KLHL3: variants seen among roughly 807,000 people sequenced by gnomAD.
KLHL3 encodes the protein kelch-like protein 3.
Under a neutral mutation model 70.5 loss-of-function variants are expected in KLHL3, and 19 were observed. That is an observed-to-expected ratio of 0.27 (90% CI 0.19 to 0.40). KLHL3 has a LOEUF of 0.40. Among genes scored for constraint, KLHL3 ranks in the 10% least tolerant of loss-of-function variants. KLHL3 has a pLI of 1.00. For synonymous variants in KLHL3, 258 were observed against 290.3 expected (o/e 0.89, Z 1.13); for missense variants, 512 against 771.1 (o/e 0.66, Z 3.98).
chr5:137,692,488 G>A (rs1752348105), intron 4 of KLHL3, 41 bp from the exon 5 acceptor site: 1 of 1,599,464 alleles, frequency 6.3e-7, no homozygotes, highest in African/African-American at 1.3e-5. Flanking sequence ...GGATCCCACT[G>A]GCAGAGACTC....
intron 3 of KLHL3, among the ~76,000 whole-genome samples, chr5:137,699,361 G>T (rs1461440470): frequency 1.3e-5 from 2 of 152,146 alleles, no homozygotes; most frequent in African/African-American, 4.8e-5. Context: ...AGCTGGAGAG[G>T]TAGATGGGGC....
chr5:137,677,880 A>G (rs1224803913), intron 5 of KLHL3, among the ~76,000 whole-genome samples: 1 of 152,178 alleles, frequency 6.6e-6, no homozygotes, highest in African/African-American at 2.4e-5. Context: ...CTGAACATCA[A>G]CACAGATGAA....
intron 1 of KLHL3, among the ~76,000 whole-genome samples, chr5:137,721,769 A>G (rs1047138230): frequency 1.3e-5 from 2 of 152,228 alleles, no homozygotes; most frequent in African/African-American, 4.8e-5. Flanking sequence ...TGGGCAACAG[A>G]GCAAAACTCT....
intron 8 of KLHL3, among the ~76,000 whole-genome samples, chr5:137,649,924 G>A (rs937612608): frequency 3.3e-5 from 5 of 152,062 alleles, no homozygotes; most frequent in African/African-American, 1.2e-4. Context: ...TAAAACCCTG[G>A]GCAAATCACT....
chr5:137,666,261 G>A (rs1195856169), intron 6 of KLHL3, among the ~76,000 whole-genome samples: 23 of 152,254 alleles, frequency 1.5e-4, no homozygotes, highest in Admixed American at 1.5e-3. Flanking sequence ...TGGAATCTTA[G>A]TGGGTAAGGC....
At chr5:137,643,359 A>C (rs1386018432) in intron 8 of KLHL3, among the ~76,000 whole-genome samples, 3 of 151,874 alleles carry the variant, frequency 2.0e-5, no homozygotes, top group Non-Finnish European at 2.9e-5. Context: ...TGTCTCAAAA[A>C]AAAAAAAAAA....
intron 5 of KLHL3, among the ~76,000 whole-genome samples, chr5:137,690,879 G>A (rs1752303480): frequency 6.6e-6 from 1 of 152,186 alleles, no homozygotes; most frequent in African/African-American, 2.4e-5. Context: ...GACAGTGCTT[G>A]AGCAGGGGTA....
intron 1 of KLHL3, among the ~76,000 whole-genome samples, chr5:137,722,907 G>C (rs1356731581): frequency 6.6e-6 from 1 of 152,180 alleles, no homozygotes; most frequent in Non-Finnish European, 1.5e-5. Context: ...GGCCTCAAGT[G>C]ATCTGCTCAC....
At chr5:137,714,030 C>A (rs538343700) in intron 2 of KLHL3, among the ~76,000 whole-genome samples, 3 of 141,386 alleles carry the variant, frequency 2.1e-5, no homozygotes, top group Admixed American at 1.4e-4. Flanking sequence ...CCCCCCTCCC[C>A]CAACCCCACA....
chr5:137,658,218 G>C lies in KLHL3; in HGVS notation c.816C>G (p.Ala272=), dbSNP rs1158879933. 6.2e-7 allele frequency: 1 copy of C among 1,612,944 alleles called. No homozygotes were observed. The highest frequency in any genetic ancestry group is 1.3e-5 in the African/African-American group (1 of 74,904). The change falls in exon 8 of 15, where the codon GCC becomes GCG. Residue 272 remains alanine (A), a synonymous_variant. Transcript: ENST00000309755. ...NNTCKDFLIE[A]MKYHLLPLDQ... ...CCAGAGGGAGGAGATGGTATTTCAT[G>C]GCCTCAATGAGGAAGTCTTTACAGG...
intron 5 of KLHL3, among the ~76,000 whole-genome samples, chr5:137,686,597 C>T (rs961985416): frequency 6.6e-6 from 1 of 152,182 alleles, no homozygotes; most frequent in African/African-American, 2.4e-5. Context: ...AATGCTTTCC[C>T]TTGTGTGTGA....
chr5:137,722,147 A>C (rs1172745710), intron 1 of KLHL3, among the ~76,000 whole-genome samples: 2 of 152,176 alleles, frequency 1.3e-5, no homozygotes, highest in Admixed American at 6.5e-5. Flanking sequence ...TTAACTTTGC[A>C]AACTGGCTAG....
At chr5:137,642,306 T>C (rs1750931944) in intron 8 of KLHL3, among the ~76,000 whole-genome samples, 1 of 152,238 alleles carries the variant, frequency 6.6e-6, no homozygotes, top group East Asian at 1.9e-4. Context: ...ACTCGAAACC[T>C]TCCCATCTCT....
chr5:137,709,250 G>C (rs563261002), intron 3 of KLHL3, among the ~76,000 whole-genome samples: 1 of 152,284 alleles, frequency 6.6e-6, no homozygotes, highest in South Asian at 2.1e-4. Flanking sequence ...AAAGACTAGC[G>C]GAGGTCCAGG....
intron 13 of KLHL3, 120 bp from the exon 14 acceptor site, chr5:137,626,016 A>G: frequency 2.4e-6 from 3 of 1,232,098 alleles, no homozygotes; most frequent in South Asian, 1.5e-5. Flanking sequence ...TGGCAATACA[A>G]CAGAGATTTG....
At position 137,731,041 on chromosome 5, in the gene KLHL3, G is replaced by A. The variant is rs532788530; in HGVS notation, c.14+4592C>T. On this transcript the variant is annotated intron_variant, in intron 1 of 14. Transcript: ENST00000309755. ...ATCCAGAAATTGAAAAAAAAAAATAGGTCAGTTTGATGATGGCAAATTTCA... is the reference window on the plus strand; with the variant it reads ...ATCCAGAAATTGAAAAAAAAAAATAAGTCAGTTTGATGATGGCAAATTTCA... Among the ~76,000 whole-genome samples, 12 of 150,410 alleles carry A rather than the reference G, an allele frequency of 8.0e-5. No individual in the cohort carries two copies. In the South Asian group the frequency reaches 1.3e-3, roughly 16 times the overall value.
chr5:137,624,377 G>A (rs1750401874), intron 14 of KLHL3, among the ~76,000 whole-genome samples: 1 of 152,132 alleles, frequency 6.6e-6, no homozygotes, highest in Non-Finnish European at 1.5e-5. Flanking sequence ...GGCACACATG[G>A]AGTCAAGGGA....
intron 6 of KLHL3, among the ~76,000 whole-genome samples, chr5:137,662,254 C>T (rs1019987631): frequency 6.6e-6 from 1 of 150,612 alleles, no homozygotes; most frequent in Admixed American, 6.6e-5. Flanking sequence ...CACACACACA[C>T]ACACACACAC....
chr5:137,734,970 G>C (rs1365464002), intron 1 of KLHL3, among the ~76,000 whole-genome samples: 1 of 152,152 alleles, frequency 6.6e-6, no homozygotes, highest in Non-Finnish European at 1.5e-5. Flanking sequence ...CTTTTCTGCT[G>C]GTTCCTATTT....
Sources: allele counts gnomAD v4.1 joint callset (sites outside exome capture counted in the v4.1 genomes callset), GRCh38; gene constraint gnomAD v4.1.1; transcripts MANE v1.5; gene names NCBI Gene and HGNC (gene_info 2026-07-23, HGNC 2026-07-21).